The following RCBTB1 variants were observed in gnomAD, a reference collection of about 807,000 sequenced individuals.
RCBTB1 encodes the protein RCC1 and BTB domain containing protein 1.
Under a neutral mutation model 62.4 loss-of-function variants are expected in RCBTB1, and 46 were observed. The ratio of observed to expected loss-of-function variants is 0.74; its 90% CI spans 0.58 to 0.94. RCBTB1 has a LOEUF of 0.94. Among genes scored for constraint, RCBTB1 ranks in the 40% least tolerant of loss-of-function variants. RCBTB1 has a pLI of 0.00. For missense variants in RCBTB1, 565 were observed against 654.9 expected, an observed-to-expected ratio of 0.86 and a Z score of 1.50; for synonymous variants, 222 against 245.8, an observed-to-expected ratio of 0.90 and a Z score of 0.91.
At chr13:49,550,022 C>T in intron 8 of RCBTB1, 1 of 596,758 alleles carries the variant, frequency 1.7e-6, no homozygotes, top group South Asian at 7.4e-5. Flanking sequence ...CAGGATCTCA[C>T]TCCGTCACCC....
Position 49,540,920 on chromosome 13 carries a change from T to C in RCBTB1, c.1411A>G (p.Asn471Asp), listed in dbSNP as rs1431429792. Residue 471 changes from asparagine to aspartate, a missense_variant, in exon 12 of 13, where the codon AAT becomes GAT. By Grantham distance (23) the Asn-to-Asp change is conservative. Coordinates refer to ENST00000378302, the MANE Select transcript of RCBTB1 (RefSeq NM_018191.4). ...HIIKRGITVENAFSLFSAAVR... is the reference protein window; with the variant it reads ...HIIKRGITVEDAFSLFSAAVR... ...GCAGCAGAGAATAGCGAAAAGGCAT[T>C]CTCCACAGTAATTCCTCTCTTGATA... 3 of 1,613,988 alleles carry C rather than the reference T, an allele frequency of 1.9e-6. No homozygotes were observed. Among genetic ancestry groups the C allele is most frequent in the Non-Finnish European group, 2.5e-6 (3 of 1,179,996 alleles).
intron 6 of RCBTB1, among the ~76,000 whole-genome samples, chr13:49,552,898 A>C (rs1961503191): frequency 6.6e-6 from 1 of 152,124 alleles, no homozygotes. Flanking sequence ...AAAGACTAGA[A>C]GAAGGCTGGG....
intron 5 of RCBTB1, among the ~76,000 whole-genome samples, chr13:49,558,690 G>A (rs1276500962): frequency 2.2e-5 from 2 of 89,036 alleles, no homozygotes; most frequent in East Asian, 3.6e-4. Flanking sequence ...GTGAAACTCT[G>A]TCTCCAAAAA....
intron 11 of RCBTB1, 65 bp from the exon 12 acceptor site, chr13:49,541,071 G>C: frequency 6.7e-7 from 1 of 1,482,620 alleles, no homozygotes; most frequent in Non-Finnish European, 9.2e-7. Context: ...CAGAGATTTT[G>C]TTTTGGTGAA....
At chr13:49,537,926 A>G (rs977855253) in intron 12 of RCBTB1, 1 of 152,214 alleles carries the variant, frequency 6.6e-6, no homozygotes, top group Non-Finnish European at 1.5e-5. Flanking sequence ...TAATGTGTGT[A>G]CATTTGCTTC....
rs780311538 is a variant in RCBTB1 at position 49,544,736 on chromosome 13, CCTGATTTT to C, written c.1165_1172del (p.Lys389ValfsTer2). The C allele has an allele frequency of 6.2e-7, 1 of 1,609,106 alleles. No homozygotes were observed. The highest frequency in any genetic ancestry group is 8.5e-7 in the Non-Finnish European group (1 of 1,178,012). The stretch of plus-strand genomic sequence containing the variant: ...ATGTCTCTGAGCTCATGCAAAAATA[CCTGATTTT>C]CAAAACAGCTTTATGGACATGAATA... On this transcript the variant is annotated frameshift_variant and splice_region_variant, in exon 10 of 13. Transcript: ENST00000378302. LOFTEE classifies it high-confidence loss of function.
chr13:49,565,674 C>G (rs1483193763), intron 4 of RCBTB1, among the ~76,000 whole-genome samples: 3 of 91,384 alleles, frequency 3.3e-5, no homozygotes, highest in Admixed American at 9.0e-5. Flanking sequence ...GCCGCCCCGT[C>G]TGAGAAGTGA....
At chr13:49,535,108 G>T (rs1311174269) in intron 12 of RCBTB1, among the ~76,000 whole-genome samples, 3 of 152,094 alleles carry the variant, frequency 2.0e-5, no homozygotes, top group African/African-American at 7.2e-5. Flanking sequence ...AAGCCATAAA[G>T]AATAATAACA....
At chr13:49,547,282 C>A in intron 9 of RCBTB1, 1 of 834,384 alleles carries the variant, frequency 1.2e-6, no homozygotes, top group Non-Finnish European at 1.7e-6. Context: ...TTCCTAAGCA[C>A]CCTTGCCTCC....
chr13:49,557,182 T>A (rs977530684), intron 5 of RCBTB1, among the ~76,000 whole-genome samples: 1 of 152,206 alleles, frequency 6.6e-6, no homozygotes, highest in African/African-American at 2.4e-5. Flanking sequence ...AGGAACAGTA[T>A]GATCTAATCT....
chr13:49,550,071 C>G (rs946283512), intron 8 of RCBTB1, among the ~76,000 whole-genome samples: 1 of 152,040 alleles, frequency 6.6e-6, no homozygotes, highest in African/African-American at 2.4e-5. Flanking sequence ...CTCACTGCAG[C>G]CTCGACCTCC....
At chr13:49,534,615 C>A (rs1959798580) in intron 12 of RCBTB1, among the ~76,000 whole-genome samples, 1 of 152,130 alleles carries the variant, frequency 6.6e-6, no homozygotes, top group Non-Finnish European at 1.5e-5. Flanking sequence ...AGGCAGAATG[C>A]CACTTTAGTC....
intron 2 of RCBTB1, among the ~76,000 whole-genome samples, chr13:49,570,040 T>C (rs1303003690): frequency 6.6e-6 from 1 of 152,144 alleles, no homozygotes; most frequent in Non-Finnish European, 1.5e-5. Flanking sequence ...GGTAAGTAAA[T>C]TTCAAGAAAA....
chr13:49,572,134 C>A (rs1007852298), intron 2 of RCBTB1, among the ~76,000 whole-genome samples: 2 of 151,984 alleles, frequency 1.3e-5, no homozygotes, highest in African/African-American at 4.8e-5. Flanking sequence ...TGAGACCAGC[C>A]TAGATGACAT....
chr13:49,573,825 C>T (rs1405512604), intron 2 of RCBTB1, among the ~76,000 whole-genome samples: 5 of 141,908 alleles, frequency 3.5e-5, no homozygotes, highest in Admixed American at 2.2e-4. Context: ...GCTCTGTTGT[C>T]CAGTCTGGAG....
In RCBTB1 at chr13:49,585,505, G is replaced by A. The variant is rs1328461488; in HGVS notation, c.-183C>T. ...CCGCAGGGATCTCCGAAGCTCCAAT[G>A]GGCGCAGAAGTGCGAGCGAGCGGCG... On this transcript the variant is annotated 5_prime_UTR_variant, in exon 1 of 13. Transcript: ENST00000378302. 1 of 152,164 alleles carries A rather than the reference G, an allele frequency of 6.6e-6. No individual in the cohort carries two copies. Among genetic ancestry groups the A allele is most frequent in the Non-Finnish European group, 1.5e-5 (1 of 68,006 alleles). The allele number at this position is 152,164 out of a possible 1,614,324, so 9.4% of individuals were successfully genotyped here. A position where few individuals can be genotyped will look rare whatever the true frequency, so the allele number is the denominator to read the frequency against.
At chr13:49,547,271 C>A in intron 9 of RCBTB1, 1 of 961,186 alleles carries the variant, frequency 1.0e-6, no homozygotes, top group South Asian at 1.5e-5. Flanking sequence ...AAGCTTAACT[C>A]TTCCTAAGCA....
chr13:49,546,307 C>T (rs1594265377), intron 9 of RCBTB1: 1 of 984,830 alleles, frequency 1.0e-6, no homozygotes, highest in African/African-American at 1.7e-5. Flanking sequence ...CCGTCTAACA[C>T]TCAGATGAGA....
At chr13:49,534,330 C>A in intron 12 of RCBTB1, 68 bp from the exon 13 acceptor site, 2 of 1,513,894 alleles carry the variant, frequency 1.3e-6, no homozygotes, top group South Asian at 1.2e-5. Context: ...TTACTTCTCT[C>A]TGAGCCCTTT....
Sources: allele counts gnomAD v4.1 joint callset (sites outside exome capture counted in the v4.1 genomes callset), GRCh38; gene constraint gnomAD v4.1.1; transcripts MANE v1.5; gene names NCBI Gene and HGNC (gene_info 2026-07-23, HGNC 2026-07-21).